The following FAR2 variants were observed in gnomAD, a reference collection of about 807,000 sequenced individuals.
FAR2 encodes the protein fatty acyl-CoA reductase 2, also known as epididymis secretory protein Li 81.
In FAR2, 19 loss-of-function variants were observed where a neutral mutation model predicts 56.0. That is an observed-to-expected ratio of 0.34 (90% CI 0.24 to 0.50). The LOEUF (loss-of-function observed/expected upper bound fraction) is 0.50, where lower values mean the gene tolerates loss of function less well. Among genes scored for constraint, FAR2 ranks in the 20% least tolerant of loss-of-function variants. The pLI is 0.98. For synonymous variants in FAR2, 219 were observed against 218.8 expected, an observed-to-expected ratio of 1.00 and a Z score of -0.01; for missense variants, 508 against 642.2, an observed-to-expected ratio of 0.79 and a Z score of 2.26.
chr12:29,275,848 A>G (rs993110946), intron 2 of FAR2, among the ~76,000 whole-genome samples: 1 of 152,192 alleles, frequency 6.6e-6, no homozygotes, highest in Non-Finnish European at 1.5e-5. Flanking sequence ...AATCGTGATT[A>G]TACTCTATGT....
At chr12:29,231,379 A>G (rs1947855792) in intron 1 of FAR2, among the ~76,000 whole-genome samples, 1 of 152,162 alleles carries the variant, frequency 6.6e-6, no homozygotes, top group Non-Finnish European at 1.5e-5. Context: ...CTTGTACAAC[A>G]AGATGGGCAG....
intron 10 of FAR2, among the ~76,000 whole-genome samples, chr12:29,325,076 CA>C (rs1194554683): frequency 3.5e-4 from 53 of 151,710 alleles, no homozygotes; most frequent in Non-Finnish European, 6.9e-4. Flanking sequence ...AAATGGAAAA[CA>C]AAAAAAGGCA....
chr12:29,199,180 G>A (rs977256218), intron 1 of FAR2, among the ~76,000 whole-genome samples: 7 of 152,124 alleles, frequency 4.6e-5, no homozygotes, highest in Admixed American at 3.9e-4. Context: ...AATGCATGCA[G>A]GCCAGCTCAC....
chr12:29,318,660 T>C (rs1949496909), intron 9 of FAR2, among the ~76,000 whole-genome samples: 1 of 152,314 alleles, frequency 6.6e-6, no homozygotes, highest in South Asian at 2.1e-4. Context: ...TGGACGTACA[T>C]AGTTTGCTTT....
intron 2 of FAR2, among the ~76,000 whole-genome samples, chr12:29,285,609 A>G (rs1948861518): frequency 6.6e-6 from 1 of 152,100 alleles, no homozygotes; most frequent in African/African-American, 2.4e-5. Context: ...TTCCAATCAC[A>G]TTAAGTCTTT....
chr12:29,179,483 A>AT (rs1949972494), intron 1 of FAR2, among the ~76,000 whole-genome samples: 1 of 152,198 alleles, frequency 6.6e-6, no homozygotes, highest in South Asian at 2.1e-4. Flanking sequence ...CAAGCCAGGC[A>AT]TGAGCCCCAT....
rs139833377 is a variant in FAR2, at chr12:29,319,971, G to A, written c.1128-1824G>A. The stretch of plus-strand genomic sequence containing the variant: ...AACCCCAGCAATTTTGGAGGCTGAG[G>A]AAGGAGTATCACTTAAGCCCAGGAC... On this transcript the variant is annotated intron_variant, in intron 9 of 11. Transcript: ENST00000536681. 5.9e-3 allele frequency among the ~76,000 whole-genome samples: 905 copies of A among 152,286 alleles called. 4 individuals carry two copies. Among genetic ancestry groups the A allele is most frequent in the Middle Eastern group, 0.027 (8 of 294 alleles).
At chr12:29,318,782 A>G (rs899915724) in intron 9 of FAR2, among the ~76,000 whole-genome samples, 5 of 151,782 alleles carry the variant, frequency 3.3e-5, no homozygotes, top group Non-Finnish European at 7.4e-5. Flanking sequence ...TTTTTTTTCT[A>G]CTGCAAATAG....
At chr12:29,273,172 G>A (rs1023503232) in intron 2 of FAR2, among the ~76,000 whole-genome samples, 9 of 152,148 alleles carry the variant, frequency 5.9e-5, no homozygotes, top group Non-Finnish European at 1.0e-4. Flanking sequence ...TTGGTGGAGA[G>A]GGTGTGTTTC....
chr12:29,255,710 T>G (rs1948306415), intron 1 of FAR2, among the ~76,000 whole-genome samples: 1 of 152,140 alleles, frequency 6.6e-6, no homozygotes, highest in Non-Finnish European at 1.5e-5. Context: ...CTGCAACTTC[T>G]GCCTCCCAGG....
At position 29,212,402 on chromosome 12, in the gene FAR2, T is replaced by C. The variant is rs141418424; in HGVS notation, c.-38-58010T>C. 7.9e-3 allele frequency among the ~76,000 whole-genome samples: 1,198 copies of C among 152,284 alleles called. 7 individuals carry two copies. Among genetic ancestry groups the C allele is most frequent in the Non-Finnish European group, 0.014 (927 of 68,022 alleles). The stretch of plus-strand genomic sequence containing the variant: ...CCATGATTGTGACCTCCATCCTTGG[T>C]TTCACTTTTACTGCTCTAACTGCTC... On this transcript the variant is annotated intron_variant, in intron 1 of 11. Transcript: ENST00000536681.
At chr12:29,245,126 A>G (rs11050149) in intron 1 of FAR2, among the ~76,000 whole-genome samples, 46,841 of 151,998 alleles carry the variant, frequency 0.31, 9,073 homozygotes, top group Admixed American at 0.46. Flanking sequence ...GACTACAGGC[A>G]TGCGCCACCA....
At chr12:29,245,411 C>T (rs375306429) in intron 1 of FAR2, among the ~76,000 whole-genome samples, 1 of 152,306 alleles carries the variant, frequency 6.6e-6, no homozygotes, top group South Asian at 2.1e-4. Context: ...AATTCAAACC[C>T]ACATCTGCTT....
chr12:29,305,792 AT>A (rs1330680501), intron 4 of FAR2, among the ~76,000 whole-genome samples: 3 of 152,160 alleles, frequency 2.0e-5, no homozygotes, highest in African/African-American at 7.2e-5. Flanking sequence ...GAATATTAAA[AT>A]TTCTTGCATG....
At chr12:29,322,837 C>T (rs1369916221) in intron 10 of FAR2, among the ~76,000 whole-genome samples, 1 of 152,170 alleles carries the variant, frequency 6.6e-6, no homozygotes, top group Non-Finnish European at 1.5e-5. Context: ...ATCTGTCACC[C>T]CTTTCTTTGA....
At chr12:29,232,833 A>T (rs1038921363) in intron 1 of FAR2, among the ~76,000 whole-genome samples, 1 of 151,802 alleles carries the variant, frequency 6.6e-6, no homozygotes, top group Non-Finnish European at 1.5e-5. Flanking sequence ...ACACACACAC[A>T]CACACACACA....
chr12:29,209,720 C>G (rs7974935), intron 1 of FAR2, among the ~76,000 whole-genome samples: 13 of 83,700 alleles, frequency 1.6e-4, no homozygotes, highest in Admixed American at 2.7e-4. Flanking sequence ...GTGTGTGTGT[C>G]TGTGTGTGTA....
chr12:29,167,115 T>C (rs1203744126), intron 1 of FAR2, among the ~76,000 whole-genome samples: 1 of 152,186 alleles, frequency 6.6e-6, no homozygotes, highest in Non-Finnish European at 1.5e-5. Context: ...AAAAACCAGG[T>C]AAGTATGTGT....
intron 1 of FAR2, among the ~76,000 whole-genome samples, chr12:29,226,271 A>T (rs1947767241): frequency 6.6e-6 from 1 of 152,190 alleles, no homozygotes; most frequent in Non-Finnish European, 1.5e-5. Flanking sequence ...CTCAGAGTAA[A>T]AAAATTGTGA....
Sources: allele counts gnomAD v4.1 joint callset (sites outside exome capture counted in the v4.1 genomes callset), GRCh38; gene constraint gnomAD v4.1.1; transcripts MANE v1.5; gene names NCBI Gene and HGNC (gene_info 2026-07-23, HGNC 2026-07-21).